Variants in ALPK2 observed in about 807,000 individuals in gnomAD.
ALPK2 encodes alpha-protein kinase 2.
Under a neutral mutation model 163.1 loss-of-function variants are expected in ALPK2, and 127 were observed. The ratio of observed to expected loss-of-function variants is 0.78; its 90% confidence interval spans 0.67 to 0.90. The LOEUF is 0.90. Among genes scored for constraint, ALPK2 ranks in the 40% least tolerant of loss-of-function variants. The pLI, the probability that ALPK2 is intolerant of heterozygous loss-of-function variation, is 0.00. For synonymous variants in ALPK2, 953 were observed against 959.1 expected (o/e 0.99, Z 0.12); for missense variants, 2,360 against 2,589.6 (o/e 0.91, Z 1.92).
intron 3 of ALPK2, among the ~76,000 whole-genome samples, chr18:58,596,817 TTTTG>T (rs58957501): frequency 0.15 from 23,416 of 152,032 alleles, 1,935 homozygotes; most frequent in African/African-American, 0.18. Flanking sequence ...CCCACAAATC[TTTTG>T]TTTGTTTGTT....
chr18:58,545,904 TGCTGA>T (rs1157676230), intron 4 of ALPK2, among the ~76,000 whole-genome samples: 2 of 152,174 alleles, frequency 1.3e-5, no homozygotes, highest in Non-Finnish European at 2.9e-5. Flanking sequence ...CCTAAATATC[TGCTGA>T]GCTGTCACAA....
At chr18:58,538,491 G>T in intron 4 of ALPK2, 1 of 420,244 alleles carries the variant, frequency 2.4e-6, no homozygotes, top group South Asian at 4.5e-5. Context: ...TTTATTTAAT[G>T]ATTTCTTTCT....
chr18:58,578,738 A>ACACACACGCGCACGCGCGCG (rs1555673993), intron 4 of ALPK2, 76 bp downstream of exon 4: 17 of 936,676 alleles, frequency 1.8e-5, no homozygotes, highest in Middle Eastern at 3.1e-4. Flanking sequence ...GAAGAGACAC[A>ACACACACGCGCACGCGCGCG]CACACACACA....
At chr18:58,610,537 C>G (rs1302275567) in intron 2 of ALPK2, among the ~76,000 whole-genome samples, 1 of 152,184 alleles carries the variant, frequency 6.6e-6, no homozygotes, top group South Asian at 2.1e-4. Flanking sequence ...GAATCCCAGT[C>G]CCCTGTTTTT....
chr18:58,484,432 G>A (rs1160576730), intron 12 of ALPK2, among the ~76,000 whole-genome samples: 1 of 152,174 alleles, frequency 6.6e-6, no homozygotes, highest in African/African-American at 2.4e-5. Flanking sequence ...TTGCCGGCTG[G>A]TAAACCTGGA....
At chr18:58,534,650 G>A (rs1270658277) in intron 5 of ALPK2, among the ~76,000 whole-genome samples, 184 bp downstream of exon 5, 1 of 152,138 alleles carries the variant, frequency 6.6e-6, no homozygotes, top group Non-Finnish European at 1.5e-5. Context: ...AGCAATCTGG[G>A]TTTTAACAAG....
At chr18:58,540,880 C>A (rs1415353534) in intron 4 of ALPK2, among the ~76,000 whole-genome samples, 1 of 152,098 alleles carries the variant, frequency 6.6e-6, no homozygotes, top group Non-Finnish European at 1.5e-5. Flanking sequence ...TGGGATGGTA[C>A]CTTTATTCTT....
At position 58,538,092 on chromosome 18, in the gene ALPK2, T is replaced by C. The variant is rs1184641527; in HGVS notation, c.2095A>G (p.Lys699Glu). 1 of 1,614,188 alleles carries C rather than the reference T, an allele frequency of 6.2e-7. No individual in the cohort carries two copies. The highest frequency in any genetic ancestry group is 1.3e-5 in the African/African-American group (1 of 75,046). The change falls in exon 5 of 13, where the codon AAG becomes GAG. Residue 699 changes from lysine (K) to glutamate (E), a missense_variant. Physicochemically the swap from Lys to Glu is moderately conservative, Grantham distance 56. Transcript: ENST00000361673. Reference sequence around the variant, plus strand: ...TGTTGAGCTAATGATGCATTTTCCTTGTGGACCCCTCCTAAGTTTGAGAAG... The same window carrying C: ...TGTTGAGCTAATGATGCATTTTCCTCGTGGACCCCTCCTAAGTTTGAGAAG... ...ISFSNLGGVH[K>E]ENASLAQHSE...
rs537652982 is a variant in ALPK2, at chr18:58,543,377, C to A, written c.1963-5153G>T. ...AGTGCTCTGTGCACCAGACCTCAGG[C>A]GGCTATGTGTAGACCACACAGGAGC... On this transcript the variant is annotated intron_variant, in intron 4 of 12. Transcript: ENST00000361673. 1.0e-4 allele frequency: 101 copies of A among 985,428 alleles called. No homozygotes were observed. The Middle Eastern group carries it at 4.2e-3, about 41-fold the overall frequency. 61.0% of individuals were successfully genotyped at this position (985,428 alleles called of 1,614,324 possible).
chr18:58,628,782 C>T lies in ALPK2; in HGVS notation c.-39G>A, dbSNP rs1384583875. 2 of 152,080 alleles carry T rather than the reference C, an allele frequency of 1.3e-5. No individual in the cohort carries two copies. The highest frequency in any genetic ancestry group is 2.4e-5 in the African/African-American group (1 of 41,378). The allele number at this position is 152,080 out of a possible 1,614,324, so 9.4% of individuals were successfully genotyped here. ...TACTTACTTTTCAGTACTCTTTGTC[C>T]AAGAAATGTTGTAGGAGGGCTGGCT... On this transcript the variant is annotated 5_prime_UTR_variant, in exon 1 of 13. Coordinates refer to ENST00000361673, the MANE Select transcript of ALPK2 (RefSeq NM_052947.4).
chr18:58,604,409 GAATGCTTAGGA>G (rs2052087554), intron 3 of ALPK2, among the ~76,000 whole-genome samples: 1 of 152,210 alleles, frequency 6.6e-6, no homozygotes, highest in Admixed American at 6.5e-5. Flanking sequence ...CTTTGCAGAT[GAATGCTTAGGA>G]CGTAGAGCGT....
chr18:58,578,734 A>ACACACACACACGCGCGCGCGCGCG (rs1555673972), intron 4 of ALPK2, 80 bp downstream of exon 4: 1 of 374,822 alleles, frequency 2.7e-6, no homozygotes, highest in African/African-American at 4.9e-5. Flanking sequence ...AAAGGAAGAG[A>ACACACACACACGCGCGCGCGCGCG]CACACACACA....
intron 4 of ALPK2, among the ~76,000 whole-genome samples, chr18:58,556,721 A>G (rs1030087646): frequency 3.3e-5 from 5 of 152,056 alleles, no homozygotes; most frequent in African/African-American, 9.7e-5. Flanking sequence ...AATCTTGACA[A>G]ACTCCCCAGA....
intron 3 of ALPK2, among the ~76,000 whole-genome samples, chr18:58,595,350 G>T: frequency 6.6e-6 from 1 of 152,188 alleles, no homozygotes; most frequent in Non-Finnish European, 1.5e-5. Context: ...TTAGGGTCTA[G>T]AACAGTCCCC....
chr18:58,623,074 C>A (rs866285241), intron 1 of ALPK2, among the ~76,000 whole-genome samples: 3 of 152,262 alleles, frequency 2.0e-5, no homozygotes, highest in Middle Eastern at 6.8e-3. Context: ...AACCACCTGT[C>A]AGCAAGTCCA....
At chr18:58,531,710 C>T (rs985990846) in intron 5 of ALPK2, among the ~76,000 whole-genome samples, 99 of 145,578 alleles carry the variant, frequency 6.8e-4, no homozygotes, top group Non-Finnish European at 1.3e-3. Flanking sequence ...GAGGCCAAGG[C>T]GGGCAGATCA....
chr18:58,508,102 C>T (rs2051470658), intron 10 of ALPK2, among the ~76,000 whole-genome samples: 1 of 152,110 alleles, frequency 6.6e-6, no homozygotes, highest in South Asian at 2.1e-4. Context: ...GTCTTGTGGC[C>T]TTCACCCAGG....
intron 4 of ALPK2, among the ~76,000 whole-genome samples, chr18:58,541,287 C>G (rs914638883): frequency 3.9e-5 from 6 of 152,228 alleles, no homozygotes; most frequent in South Asian, 2.1e-4. Flanking sequence ...CAAGAGCGAG[C>G]AAGGGGGAGG....
chr18:58,596,067 AGCT>A (rs1430209422), intron 3 of ALPK2, among the ~76,000 whole-genome samples: 2 of 152,220 alleles, frequency 1.3e-5, no homozygotes, highest in African/African-American at 4.8e-5. Flanking sequence ...ATGACTGGCA[AGCT>A]GCCCCCGCAT....
Sources: gnomAD v4.1 joint callset for allele counts (sites outside exome capture counted in the v4.1 genomes callset) on GRCh38, gnomAD v4.1.1 for gene constraint, MANE v1.5 for transcripts, NCBI Gene and HGNC (gene_info 2026-07-23, HGNC 2026-07-21) for gene names.